Variants in CDK8 observed in about 807,000 individuals in gnomAD.
CDK8 encodes the protein cyclin-dependent kinase 8.
Under a neutral mutation model 71.5 loss-of-function variants are expected in CDK8, and 29 were observed. The observed-to-expected ratio is 0.41, with a 90% CI of 0.30 to 0.55. The LOEUF (loss-of-function observed/expected upper bound fraction) is 0.55. Ranked by LOEUF, CDK8 falls within the 20% of genes least tolerant of loss-of-function variation. The pLI is 0.37. For missense variants in CDK8, 288 were observed against 572.6 expected (o/e 0.50, Z 5.07); for synonymous variants, 161 against 192.1 (o/e 0.84, Z 1.34).
At chr13:26,390,147 A>G (rs554469922) in intron 6 of CDK8, among the ~76,000 whole-genome samples, 59 of 152,342 alleles carry the variant, frequency 3.9e-4, no homozygotes, top group African/African-American at 1.4e-3. Context: ...TCACACCACC[A>G]TTAAAGCTGC....
At chr13:26,275,957 G>C (rs778282506) in intron 1 of CDK8, among the ~76,000 whole-genome samples, 2 of 152,072 alleles carry the variant, frequency 1.3e-5, no homozygotes, top group Non-Finnish European at 2.9e-5. Context: ...CTGCCTCCCA[G>C]GTTCAAGCAA....
intron 7 of CDK8, among the ~76,000 whole-genome samples, chr13:26,394,898 G>A (rs1875911314): frequency 6.6e-6 from 1 of 152,190 alleles, no homozygotes; most frequent in African/African-American, 2.4e-5. Flanking sequence ...TCAGAAACCA[G>A]CTGTAGCAGT....
intron 1 of CDK8, among the ~76,000 whole-genome samples, chr13:26,336,257 C>T (rs1003514091): frequency 2.0e-5 from 3 of 152,098 alleles, no homozygotes; most frequent in Admixed American, 6.5e-5. Flanking sequence ...TGTAATAATA[C>T]TATGATATTG....
At chr13:26,315,696 G>A (rs998530765) in intron 1 of CDK8, among the ~76,000 whole-genome samples, 1 of 152,112 alleles carries the variant, frequency 6.6e-6, no homozygotes, top group Non-Finnish European at 1.5e-5. Flanking sequence ...GTTGAGGCTT[G>A]CTTTCTAGCC....
chr13:26,398,936 C>T (rs1205171534), intron 9 of CDK8, among the ~76,000 whole-genome samples: 1 of 150,318 alleles, frequency 6.7e-6, no homozygotes, highest in Non-Finnish European at 1.5e-5. Flanking sequence ...TGCACTCTAG[C>T]CTGGCAACAA....
chr13:26,383,371 C>G (rs193029916), intron 5 of CDK8, among the ~76,000 whole-genome samples: 130 of 152,306 alleles, frequency 8.5e-4, no homozygotes, highest in African/African-American at 2.6e-3. Flanking sequence ...CGTAGTAGGC[C>G]TTTCCCTGAT....
At chr13:26,394,130 T>C (rs1481256008) in intron 7 of CDK8, among the ~76,000 whole-genome samples, 1 of 152,146 alleles carries the variant, frequency 6.6e-6, no homozygotes, top group East Asian at 1.9e-4. Context: ...CCTAGTTATA[T>C]TACAGAACGG....
chr13:26,326,857 G>A (rs917614736), intron 1 of CDK8, among the ~76,000 whole-genome samples: 10 of 152,140 alleles, frequency 6.6e-5, no homozygotes, highest in Non-Finnish European at 1.3e-4. Flanking sequence ...TCAATGATAA[G>A]ATTCAGCAGC....
At chr13:26,259,931 A>G (rs1369784701) in intron 1 of CDK8, among the ~76,000 whole-genome samples, 1 of 152,320 alleles carries the variant, frequency 6.6e-6, no homozygotes, top group Non-Finnish European at 1.5e-5. Context: ...AATAAGCACT[A>G]TAATAATTAA....
intron 1 of CDK8, among the ~76,000 whole-genome samples, chr13:26,324,093 A>G (rs1374675593): frequency 6.6e-6 from 1 of 152,210 alleles, no homozygotes; most frequent in Non-Finnish European, 1.5e-5. Context: ...TAGTGTTTAA[A>G]GGATCCTAGA....
At chr13:26,258,535 G>A (rs1181227260) in intron 1 of CDK8, among the ~76,000 whole-genome samples, 1 of 151,542 alleles carries the variant, frequency 6.6e-6, no homozygotes, top group African/African-American at 2.4e-5. Context: ...TCTAATGAAA[G>A]CCATGTGGAA....
At chr13:26,369,689 C>A (rs1234070183) in intron 4 of CDK8, among the ~76,000 whole-genome samples, 1 of 145,554 alleles carries the variant, frequency 6.9e-6, no homozygotes, top group Non-Finnish European at 1.5e-5. Context: ...CCACCATGCC[C>A]GGCTAATTTT....
intron 1 of CDK8, among the ~76,000 whole-genome samples, chr13:26,334,960 G>A (rs757717913): frequency 1.3e-5 from 2 of 152,078 alleles, no homozygotes; most frequent in Admixed American, 6.5e-5. Context: ...TATTACGATG[G>A]AATAGACGTT....
intron 1 of CDK8, among the ~76,000 whole-genome samples, chr13:26,287,066 A>C (rs1368571073): frequency 2.6e-5 from 4 of 152,228 alleles, no homozygotes; most frequent in Non-Finnish European, 5.9e-5. Flanking sequence ...AAAGTAAACC[A>C]CTATGGAAAA....
intron 1 of CDK8, among the ~76,000 whole-genome samples, chr13:26,301,441 C>G (rs1424727157): frequency 6.6e-6 from 1 of 151,936 alleles, no homozygotes; most frequent in Non-Finnish European, 1.5e-5. Flanking sequence ...GTTAAATTAC[C>G]TGGTATGGTA....
chr13:26,379,509 T>C (rs1056984560), intron 4 of CDK8, among the ~76,000 whole-genome samples: 4 of 152,170 alleles, frequency 2.6e-5, no homozygotes, highest in African/African-American at 9.7e-5. Context: ...AGAGGGATTT[T>C]CCCCTTCTTC....
At chr13:26,352,950 C>G (rs1049748669) in intron 3 of CDK8, among the ~76,000 whole-genome samples, 25 of 152,154 alleles carry the variant, frequency 1.6e-4, no homozygotes, top group Non-Finnish European at 3.2e-4. Context: ...AGGGTCTGCT[C>G]TGTGCAATAT....
chr13:26,328,221 A>T (rs1272878612), intron 1 of CDK8, among the ~76,000 whole-genome samples: 2 of 151,762 alleles, frequency 1.3e-5, no homozygotes, highest in Non-Finnish European at 2.9e-5. Flanking sequence ...ACACATTATC[A>T]CATATTTAAG....
At chr13:26,373,629 T>TA (rs1874795151) in intron 4 of CDK8, among the ~76,000 whole-genome samples, 1 of 152,180 alleles carries the variant, frequency 6.6e-6, no homozygotes. Flanking sequence ...GGTCAACTGT[T>TA]ATGTAGTCAT....
Sources: gnomAD v4.1 joint callset for allele counts (sites outside exome capture counted in the v4.1 genomes callset) on GRCh38, gnomAD v4.1.1 for gene constraint, MANE v1.5 for transcripts, NCBI Gene and HGNC (gene_info 2026-07-23, HGNC 2026-07-21) for gene names.